The following TRMT9B variants were observed in gnomAD, a reference collection of about 807,000 sequenced individuals.
The protein encoded by TRMT9B is tRNA methyltransferase 9B (putative).
Under a neutral mutation model 11.5 loss-of-function variants are expected in TRMT9B, and 16 were observed. The observed-to-expected ratio is 1.39, with a 90% confidence interval of 0.94 to 2.11. TRMT9B has a LOEUF of 2.11. TRMT9B is among the 30% of genes most tolerant of loss of function. The pLI, the probability that TRMT9B is intolerant of heterozygous loss-of-function variation, is 0.00. For synonymous variants in TRMT9B, 274 were observed against 192.4 expected, an observed-to-expected ratio of 1.42 and a Z score of -3.51; for missense variants, 941 against 553.8, an observed-to-expected ratio of 1.70 and a Z score of -7.02.
At chr8:13,011,751 A>T in intron 3 of TRMT9B, 1 of 968,190 alleles carries the variant, frequency 1.0e-6, no homozygotes, top group Non-Finnish European at 1.2e-6. Flanking sequence ...TCTATTTAAG[A>T]AAAAAAGTAG....
Position 13,012,494 on chromosome 8 carries a change from G to A in TRMT9B, c.155-190G>A, listed in dbSNP as rs143563959. ...GGAGGCTAAGGCAAGAGAATTGCTT[G>A]AACCCGTGAGGCAGAGGTTGCAGTG... On this transcript the variant is annotated intron_variant, in intron 3 of 4. Transcript: ENST00000524591. 1,138 of 690,148 alleles carry A rather than the reference G, an allele frequency of 1.6e-3. 11 individuals carry two copies. In the African/African-American group the frequency reaches 0.02, roughly 12 times the overall value. The allele number at this position is 690,148 out of a possible 1,614,324, so 42.8% of individuals were successfully genotyped here.
chr8:12,955,048 T>A (rs1423137908), intron 1 of TRMT9B, among the ~76,000 whole-genome samples: 1 of 152,096 alleles, frequency 6.6e-6, no homozygotes, highest in Non-Finnish European at 1.5e-5. Context: ...GAAGTAGGAG[T>A]GTGTTGACTA....
intron 3 of TRMT9B, chr8:13,010,768 G>A: frequency 2.0e-6 from 2 of 983,294 alleles, no homozygotes; most frequent in Non-Finnish European, 2.4e-6. Context: ...GAATTGCAAG[G>A]TTATTTTTCT....
chr8:13,021,830 C>T lies in TRMT9B; in HGVS notation c.1151C>T (p.Ser384Phe), dbSNP rs758224300. The T allele has an allele frequency of 3.1e-6, 5 of 1,613,642 alleles. 1 individual carries two copies. The South Asian group carries it at 5.5e-5, about 18-fold the overall frequency. The change falls in exon 5 of 5, where the codon TCC (serine) becomes TTC (phenylalanine). Residue 384 changes from serine to phenylalanine, a missense_variant. Coordinates refer to ENST00000524591, the MANE Select transcript of TRMT9B (RefSeq NM_020844.3). Reference protein sequence around the residue: ...KILRRISAVDSTDFNPDDTMS... With the variant: ...KILRRISAVDFTDFNPDDTMS... ...TTGAGAAGGATTTCTGCAGTTGATT[C>T]CACAGATTTCAACCCAGATGATACA...
In TRMT9B at chr8:12,996,301, A is replaced by G. The variant is rs1193352202; in HGVS notation, c.-2+5270A>G. Among the ~76,000 whole-genome samples, 3 of 152,288 alleles carry G rather than the reference A, an allele frequency of 2.0e-5. No homozygotes were observed. In the East Asian group the frequency reaches 5.8e-4, roughly 29 times the overall value. On this transcript the variant is annotated intron_variant, in intron 2 of 4. Transcript: ENST00000524591. ...AAATGAATTTCCTTCCTCTCATCAT[A>G]CTGATGAGTCACTTACCTGGTGCCC... is the stretch of plus-strand genomic sequence containing the variant.
At chr8:12,992,617 C>T (rs900695056) in intron 2 of TRMT9B, among the ~76,000 whole-genome samples, 9 of 151,674 alleles carry the variant, frequency 5.9e-5, no homozygotes, top group Admixed American at 3.3e-4. Flanking sequence ...TTTGAGAGGC[C>T]GGGTTAGGCA....
At position 12,990,993 on chromosome 8, in the gene TRMT9B, G is replaced by C; in HGVS notation, c.-40G>C. The C allele has an allele frequency of 7.8e-7, 1 of 1,281,076 alleles. No homozygotes were observed. The highest frequency in any genetic ancestry group is 1.0e-6 in the Non-Finnish European group (1 of 983,828). 79.4% of individuals were successfully genotyped at this position (1,281,076 alleles called of 1,614,324 possible). A position where few individuals can be genotyped will look rare whatever the true frequency, so the allele number is the denominator to read the frequency against. ...GGTGGAGACTGCCGTGATTCACAAA[G>C]ACAAGAGGTAATTTTCCTGTAATCA... On this transcript the variant is annotated 5_prime_UTR_variant, in exon 2 of 5. Transcript: ENST00000524591.
At chr8:12,961,333 T>G (rs74775585) in intron 1 of TRMT9B, among the ~76,000 whole-genome samples, 8,458 of 152,222 alleles carry the variant, frequency 0.056, 293 homozygotes, top group South Asian at 0.1. Flanking sequence ...CAATGCAATA[T>G]TTTAATTTAA....
rs763595602 is a variant in TRMT9B at position 13,012,788 on chromosome 8, G to A, written c.259G>A (p.Ala87Thr). 4.3e-6 allele frequency: 7 copies of A among 1,613,946 alleles called. No homozygotes were observed. Among genetic ancestry groups the A allele is most frequent in the Non-Finnish European group, 5.1e-6 (6 of 1,179,880 alleles). ...VEIARNRGCE[A>T]MVCDNLNLPF... is the part of the protein sequence containing the mutation. The stretch of plus-strand genomic sequence containing the variant: ...GATTGCCCGGAATAGAGGATGTGAA[G>A]CCATGGTATGTGACAACCTTAATCT... The change falls in exon 4 of 5, where the codon GCC becomes ACC. Residue 87 changes from alanine to threonine, a missense_variant. Ala to Thr is a moderately conservative substitution (Grantham distance 58, BLOSUM62 0). Coordinates refer to ENST00000524591, the MANE Select transcript of TRMT9B (RefSeq NM_020844.3).
intron 2 of TRMT9B, among the ~76,000 whole-genome samples, chr8:13,001,614 A>T (rs1809471672): frequency 6.6e-6 from 1 of 152,210 alleles, no homozygotes; most frequent in African/African-American, 2.4e-5. Flanking sequence ...ACAGAATATT[A>T]TTTCCTAAAA....
At chr8:13,002,130 C>T (rs930545586) in intron 2 of TRMT9B, among the ~76,000 whole-genome samples, 1 of 151,946 alleles carries the variant, frequency 6.6e-6, no homozygotes, top group Non-Finnish European at 1.5e-5. Flanking sequence ...TTAGGTTACC[C>T]GATGGTAGTA....
chr8:12,949,276 C>T (rs748817919), intron 1 of TRMT9B, among the ~76,000 whole-genome samples: 4 of 151,582 alleles, frequency 2.6e-5, no homozygotes, highest in Non-Finnish European at 4.4e-5. Flanking sequence ...AACTGAAAAA[C>T]GTTAAACCTC....
At position 13,029,663 on chromosome 8, in the gene TRMT9B, A is replaced by G. The variant is rs480286; in HGVS notation, c.*7619A>G. On this transcript the variant is annotated 3_prime_UTR_variant, in exon 5 of 5. Transcript: ENST00000524591. ...ATTTGAATTCTGTTATATTTATCTA[A>G]GGGAAGCAAAATTAACCTTTTAATA... The G allele has an allele frequency of 0.098, 15,455 of 157,148 alleles. 945 individuals are homozygous for G. The highest frequency in any genetic ancestry group is 0.14 in the South Asian group (660 of 4,810). 9.7% of individuals were successfully genotyped at this position (157,148 alleles called of 1,614,324 possible).
At chr8:13,019,163 A>T (rs1344006517) in intron 4 of TRMT9B, among the ~76,000 whole-genome samples, 2 of 152,182 alleles carry the variant, frequency 1.3e-5, no homozygotes, top group Non-Finnish European at 2.9e-5. Flanking sequence ...ATTCGCAAAT[A>T]CAGAATCCAT....
chr8:12,974,265 T>G (rs1051595461), intron 1 of TRMT9B, among the ~76,000 whole-genome samples: 2 of 150,284 alleles, frequency 1.3e-5, no homozygotes, highest in African/African-American at 4.9e-5. Context: ...AACTACTGAG[T>G]TGGGAGTGAA....
At chr8:13,008,883 C>T (rs187981130) in intron 3 of TRMT9B, among the ~76,000 whole-genome samples, 2 of 152,152 alleles carry the variant, frequency 1.3e-5, no homozygotes, top group Non-Finnish European at 2.9e-5. Context: ...TGCCCGCCAC[C>T]ACGCCCAGCT....
chr8:13,021,724 T>G lies in TRMT9B; in HGVS notation c.1045T>G (p.Phe349Val), dbSNP rs1481355441. 2 of 1,613,546 alleles carry G rather than the reference T, an allele frequency of 1.2e-6. No homozygotes were observed. The highest frequency in any genetic ancestry group is 1.7e-5 in the Admixed American group (1 of 59,998). The change falls in exon 5 of 5, where the codon TTT becomes GTT. Residue 349 changes from phenylalanine to valine, a missense_variant. Coordinates refer to ENST00000524591, the MANE Select transcript of TRMT9B (RefSeq NM_020844.3). ...GEMRRNGGGN[F>V]LDSTNTGVNC... ...AATGAGGAGAAATGGAGGGGGAAAT[T>G]TTCTGGATAGCACTAATACTGGTGT...
intron 3 of TRMT9B, chr8:13,012,244 T>C (rs1341703847): frequency 1.0e-6 from 1 of 985,870 alleles, no homozygotes; most frequent in Non-Finnish European, 1.2e-6. Flanking sequence ...TGTGAATACC[T>C]TCACACCATG....
Position 12,990,929 on chromosome 8 carries a change from C to G in TRMT9B, c.-104C>G, listed in dbSNP as rs1025721399. 4.7e-6 allele frequency: 6 copies of G among 1,289,044 alleles called. No homozygotes were observed. Among genetic ancestry groups the G allele is most frequent in the Middle Eastern group, 2.1e-4 (1 of 4,712 alleles). The allele number at this position is 1,289,044 out of a possible 1,614,324, so 79.9% of individuals were successfully genotyped here. A position where few individuals can be genotyped will look rare whatever the true frequency, so the allele number is the denominator to read the frequency against. On this transcript the variant is annotated 5_prime_UTR_variant, in exon 2 of 5. Transcript: ENST00000524591. Reference sequence around the variant, plus strand: ...CCTACAAGTTTTCATTTACGTTACACATTGAGAAAGTTATGAGAAGCAACT... The same window carrying G: ...CCTACAAGTTTTCATTTACGTTACAGATTGAGAAAGTTATGAGAAGCAACT...
Sources: allele counts gnomAD v4.1 joint callset (sites outside exome capture counted in the v4.1 genomes callset), GRCh38; gene constraint gnomAD v4.1.1; transcripts MANE v1.5; gene names NCBI Gene and HGNC (gene_info 2026-07-23, HGNC 2026-07-21).